Variants in ARHGAP33 observed in about 807,000 individuals in gnomAD.
The protein encoded by ARHGAP33 is Rho GTPase activating protein 33.
ARHGAP33 carries 57 observed loss-of-function variants against 126.2 expected under a neutral mutation model. The ratio of observed to expected loss-of-function variants is 0.45; its 90% CI spans 0.36 to 0.56. ARHGAP33 has a LOEUF of 0.56. ARHGAP33 is among the 20% of genes least tolerant of loss of function. The pLI is 0.00. For missense variants in ARHGAP33, 1,500 were observed against 1,748.3 expected (o/e 0.86, Z 2.53); for synonymous variants, 711 against 755.0 (o/e 0.94, Z 0.95).
chr19:35,784,346 G>A (rs771455177), intron 16 of ARHGAP33, 29 bp downstream of exon 16: 6 of 1,526,234 alleles, frequency 3.9e-6, no homozygotes, highest in Middle Eastern at 1.8e-4. Context: ...TGAGGTCCTG[G>A]CTACTGCCCA....
In ARHGAP33 at chr19:35,778,774, C is replaced by T. The variant is rs562200856; in HGVS notation, c.408+173C>T. ...CGTAGTAGGCTTCTGCTACATTTAG[C>T]TTTGCTAAGTTTTAGGATCATGGGG... is the stretch of plus-strand genomic sequence containing the variant. On this transcript the variant is annotated intron_variant, in intron 5 of 20. Transcript: ENST00000007510. 2.7e-6 allele frequency: 3 copies of T among 1,103,936 alleles called. No homozygotes were observed. The South Asian group carries it at 5.0e-5, about 18-fold the overall frequency. 68.4% of individuals were successfully genotyped at this position (1,103,936 alleles called of 1,614,324 possible).
intron 5 of ARHGAP33, 165 bp downstream of exon 5, chr19:35,778,766 A>G (rs1971590469): frequency 4.4e-6 from 5 of 1,130,116 alleles, no homozygotes; most frequent in South Asian, 1.6e-5. Flanking sequence ...GGCTTCTGCT[A>G]CATTTAGCTT....
At position 35,786,423 on chromosome 19, in the gene ARHGAP33, G is replaced by T; in HGVS notation, c.1953G>T (p.Arg651Ser). The T allele has an allele frequency of 1.3e-6, 2 of 1,533,046 alleles. No individual in the cohort carries two copies. The highest frequency in any genetic ancestry group is 1.7e-6 in the Non-Finnish European group (2 of 1,144,992). 95.0% of individuals were successfully genotyped at this position (1,533,046 alleles called of 1,614,324 possible). ...ACCCCACCCCTCCAGGCCTCCAGAG[G>T]CTGCACAGGCTGCGGCGACCCCACT... ...SSQASGAGLQ[R>S]LHRLRRPHSS... Residue 651 changes from arginine to serine, a missense_variant, in exon 20 of 21, where the codon AGG (arginine) becomes AGT (serine). Around this residue, in one of 6 missense-constraint regions of ARHGAP33, gnomAD observed 300 missense variants for 291.1 expected, o/e 1.03. Transcript: ENST00000007510. This position sits in a 1 kb window ranked among gnomAD's most constrained non-coding sequence, Gnocchi z 7.0.
In ARHGAP33 at chr19:35,788,265, C is replaced by G; in HGVS notation, c.3700C>G (p.Leu1234Val). Residue 1234 changes from leucine to valine, a missense_variant, in exon 21 of 21, where the codon CTC (leucine) becomes GTC (valine). Coordinates refer to ENST00000007510, the MANE Select transcript of ARHGAP33 (RefSeq NM_001366178.1). ...GPWGPPEPLL[L>V]YRAAPPAYGR... ...CTGGGGCCCTCCTGAGCCTCTCCTG[C>G]TCTACAGGGCAGCCCCGCCAGCCTA... is the stretch of plus-strand genomic sequence containing the variant. The G allele has an allele frequency of 6.2e-7, 1 of 1,609,352 alleles. No homozygotes were observed.
intron 16 of ARHGAP33, chr19:35,784,592 A>C: frequency 7.6e-7 from 1 of 1,308,922 alleles, no homozygotes; most frequent in South Asian, 2.3e-5. Context: ...TCCACCTGGG[A>C]GGAGGTGGGA....
At position 35,788,327 on chromosome 19, in the gene ARHGAP33, C is replaced by A. The variant is rs1470552475; in HGVS notation, c.3762C>A (p.Tyr1254Ter). ...GCGAGCTCCACCGAGGGTCCTTGTA[C>A]AGAAATGGAGGGCAAAGAGGGGAGG... ...RGGELHRGSL[Y>*]RNGGQRGEGA... Residue 1254 changes from tyrosine (Y) to a stop codon, truncating the protein, a stop_gained, in exon 21 of 21, where the codon TAC (tyrosine) becomes TAA (stop). Coordinates refer to ENST00000007510, the MANE Select transcript of ARHGAP33 (RefSeq NM_001366178.1). LOFTEE classifies it high-confidence loss of function. 5 of 1,608,934 alleles carry A rather than the reference C, an allele frequency of 3.1e-6. No individual in the cohort carries two copies. The highest frequency in any genetic ancestry group is 1.3e-5 in the African/African-American group (1 of 74,588).
rs1971412945 is a variant in ARHGAP33, at chr19:35,775,675, C to T, written c.6+11C>T. ...TACGCGACCATGGTGGTAAGGGTCC[C>T]ACGCGGCCGTCAGCCTGTCCGTCCG... On this transcript the variant is annotated intron_variant, in intron 1 of 20. Transcript: ENST00000007510. 2 of 1,546,852 alleles carry T rather than the reference C, an allele frequency of 1.3e-6. No individual in the cohort carries two copies. Among genetic ancestry groups the T allele is most frequent in the South Asian group, 1.2e-5 (1 of 82,900 alleles).
chr19:35,775,751 C>A, intron 1 of ARHGAP33, 87 bp downstream of exon 1: 1 of 1,304,878 alleles, frequency 7.7e-7, no homozygotes, highest in Non-Finnish European at 1.0e-6. Context: ...CGCCCCCGGC[C>A]CCGCCCGATC....
chr19:35,776,726 C>T (rs1252207732), intron 1 of ARHGAP33, among the ~76,000 whole-genome samples: 4 of 152,174 alleles, frequency 2.6e-5, no homozygotes, highest in Non-Finnish European at 5.9e-5. Flanking sequence ...TCTGGGAGGC[C>T]GGTCATAGTC....
Position 35,786,268 on chromosome 19 carries a change from C to T in ARHGAP33, c.1943-145C>T. ...GGGCCGGAAGTGTCCTCTTCATGGT[C>T]TCCACTGTCAATCTGAACAGCTCTT... On this transcript the variant is annotated intron_variant, in intron 19 of 20. Coordinates refer to ENST00000007510, the MANE Select transcript of ARHGAP33 (RefSeq NM_001366178.1). This position sits in a 1 kb window ranked among gnomAD's most constrained non-coding sequence, Gnocchi z 7.0. 7.0e-7 allele frequency: 1 copy of T among 1,430,550 alleles called. No homozygotes were observed. Among genetic ancestry groups the T allele is most frequent in the South Asian group, 1.5e-5 (1 of 65,892 alleles). 88.6% of individuals were successfully genotyped at this position (1,430,550 alleles called of 1,614,324 possible). A position where few individuals can be genotyped will look rare whatever the true frequency, so the allele number is the denominator to read the frequency against.
Position 35,785,262 on chromosome 19 carries a change from C to G in ARHGAP33, c.1795C>G (p.Arg599Gly). ...SSWKTFFALG[R>G]GPSVPRKKPL... ...CTGGAAGACGTTCTTTGCACTGGGC[C>G]GGGGCCCCAGTGTCCCTCGAAAGAA... The change falls in exon 18 of 21, where the codon CGG becomes GGG. Residue 599 changes from arginine (R) to glycine (G), a missense_variant. Arg to Gly is a moderately radical substitution (Grantham distance 125). Around this residue, in one of 6 missense-constraint regions of ARHGAP33, gnomAD observed 300 missense variants for 291.1 expected, o/e 1.03. Coordinates refer to ENST00000007510, the MANE Select transcript of ARHGAP33 (RefSeq NM_001366178.1). 6.3e-7 allele frequency: 1 copy of G among 1,596,334 alleles called. No homozygotes were observed. Among genetic ancestry groups the G allele is most frequent in the South Asian group, 1.1e-5 (1 of 89,706 alleles).
chr19:35,784,598 T>C (rs534615652), intron 16 of ARHGAP33: 1 of 1,311,574 alleles, frequency 7.6e-7, no homozygotes, highest in East Asian at 3.2e-5. Context: ...TGGGAGGAGG[T>C]GGGAGGTCCC....
In ARHGAP33 at chr19:35,788,552, T is replaced by A; in HGVS notation, c.*123T>A. On this transcript the variant is annotated 3_prime_UTR_variant, in exon 21 of 21. Coordinates refer to ENST00000007510, the MANE Select transcript of ARHGAP33 (RefSeq NM_001366178.1). ...TACCCCAGGTTTCTAACTTTGTAAC[T>A]TGCTTCTGATGTGGGTCCCTAACCT... 1.1e-6 allele frequency: 1 copy of A among 887,494 alleles called. No individual in the cohort carries two copies. Among genetic ancestry groups the A allele is most frequent in the Non-Finnish European group, 1.6e-6 (1 of 612,540 alleles). The allele number at this position is 887,494 out of a possible 1,614,324, so 55.0% of individuals were successfully genotyped here. A position where few individuals can be genotyped will look rare whatever the true frequency, so the allele number is the denominator to read the frequency against.
At chr19:35,778,193 A>G (rs1971558152) in intron 3 of ARHGAP33, 87 bp from the exon 4 acceptor site, 15 of 1,390,234 alleles carry the variant, frequency 1.1e-5, no homozygotes, top group Non-Finnish European at 1.5e-5. Context: ...TCCAGAAGGG[A>G]GTCACAAACC....
Position 35,781,084 on chromosome 19 carries a change from G to GCCCC in ARHGAP33, c.982+15_982+16insCCCC. On this transcript the variant is annotated intron_variant, in intron 11 of 20. Coordinates refer to ENST00000007510, the MANE Select transcript of ARHGAP33 (RefSeq NM_001366178.1). ...CTCAGGCCAGGATGGTGAGGCCGGG[G>GCCCC]CCCACCCACCCCACCCGTCACACCA... 1.2e-6 allele frequency: 2 copies of GCCCC among 1,607,616 alleles called. No homozygotes were observed. The highest frequency in any genetic ancestry group is 1.7e-5 in the Admixed American group (1 of 59,900).
chr19:35,782,636 CG>C lies in ARHGAP33; in HGVS notation c.1273del (p.Val425CysfsTer20), dbSNP rs1568427143. The C allele has an allele frequency of 6.2e-7, 1 of 1,613,318 alleles. No individual in the cohort carries two copies. The highest frequency in any genetic ancestry group is 8.5e-7 in the Non-Finnish European group (1 of 1,179,770). On this transcript the variant is annotated frameshift_variant, in exon 14 of 21. Transcript: ENST00000007510. LOFTEE classifies it high-confidence loss of function. This position sits in a 1 kb window ranked among gnomAD's most constrained non-coding sequence, Gnocchi z 4.1. ...SVPGEEERLV[R>X]VHDVIQQLPP... ...GCCTGGGGAGGAGGAGCGTCTGGTG[CG>C]GGTGCACGATGTCATCCAGCAGCTG... is the stretch of plus-strand genomic sequence containing the variant.
intron 12 of ARHGAP33, among the ~76,000 whole-genome samples, chr19:35,781,923 G>A (rs1357713489): frequency 2.6e-5 from 4 of 152,130 alleles, no homozygotes; most frequent in African/African-American, 7.2e-5. Flanking sequence ...AGTGCTTGAA[G>A]CCTGCAGGGG....
intron 15 of ARHGAP33, among the ~76,000 whole-genome samples, chr19:35,783,599 G>A (rs905277837): frequency 6.6e-6 from 1 of 152,170 alleles, no homozygotes; most frequent in Non-Finnish European, 1.5e-5. Context: ...AGGGAGGCCG[G>A]TGTGGCTGGA....
intron 15 of ARHGAP33, among the ~76,000 whole-genome samples, chr19:35,783,748 G>A (rs1054606578): frequency 5.9e-5 from 9 of 152,230 alleles, no homozygotes; most frequent in African/African-American, 2.2e-4. Context: ...GCCAGGGCAG[G>A]GCTCTGAGCC....
Sources: gnomAD v4.1 joint callset for allele counts (sites outside exome capture counted in the v4.1 genomes callset) on GRCh38, gnomAD v4.1.1 for gene constraint, gnomAD v4.1.1 regional missense constraint, Gnocchi (gnomAD v3.1) non-coding constraint, MANE v1.5 for transcripts, NCBI Gene and HGNC (gene_info 2026-07-23, HGNC 2026-07-21) for gene names.